Variants in FAM83G observed in about 807,000 individuals in gnomAD.
The protein encoded by FAM83G is protein FAM83G.
A neutral mutation model predicts 61.5 loss-of-function variants in FAM83G; 38 were observed. The ratio of observed to expected loss-of-function variants is 0.62; its 90% CI spans 0.48 to 0.81. The LOEUF is 0.81. Among genes scored for constraint, FAM83G ranks in the 30% least tolerant of loss-of-function variants. The probability of loss-of-function intolerance (pLI) is 0.00; values close to 1 mark genes in which losing one functional copy is unlikely to be tolerated. For missense variants in FAM83G, 989 were observed against 1,133.6 expected, an observed-to-expected ratio of 0.87 and a Z score of 1.83; for synonymous variants, 470 against 476.1, an observed-to-expected ratio of 0.99 and a Z score of 0.17.
chr17:18,978,991 G>T, intron 4 of FAM83G, 141 bp from the exon 5 acceptor site: 3 of 927,688 alleles, frequency 3.2e-6, no homozygotes, highest in South Asian at 1.7e-5. Context: ...GAGAGCAGGT[G>T]CATACTGTGG....
At chr17:18,990,524 G>A (rs1486307912) in intron 2 of FAM83G, among the ~76,000 whole-genome samples, 1 of 152,220 alleles carries the variant, frequency 6.6e-6, no homozygotes, top group East Asian at 1.9e-4. Context: ...CCTGCCTACC[G>A]TGGCAGATGG....
rs57881452 is a variant in FAM83G, at chr17:19,004,621, G to A, written c.-129+88C>T. On this transcript the variant is annotated intron_variant, in intron 1 of 5. Transcript: ENST00000388995. The surrounding 1 kb of genome is among the most constrained non-coding windows in gnomAD (Gnocchi z 5.4). ...CCCGGAGGAGGCTGGGGCTCTGGGA[G>A]GGGTCCAGGAGACCCAGAAACGCGG... 0.056 allele frequency: 8,455 copies of A among 152,036 alleles called. 504 individuals carry two copies. The highest frequency in any genetic ancestry group is 0.31 in the South Asian group (1,519 of 4,830). 9.4% of individuals were successfully genotyped at this position (152,036 alleles called of 1,614,324 possible).
Position 18,978,264 on chromosome 17 carries a change from T to A in FAM83G, c.1402A>T (p.Ser468Cys). The change falls in exon 5 of 6, where the codon AGC (serine) becomes TGC (cysteine). Residue 468 changes from serine (S) to cysteine (C), a missense_variant. Ser to Cys is a moderately radical substitution (Grantham distance 112). Coordinates refer to ENST00000388995, the MANE Select transcript of FAM83G (RefSeq NM_001039999.3). ...GGGCAAGGCTCTGGACGGGGCCTGC[T>A]GTCCTGGCTCTGCTTCCACAGCTGG... is the stretch of plus-strand genomic sequence containing the variant. ...QHQLWKQSQD[S>C]RPRPEPCPPP... The A allele has an allele frequency of 6.2e-7, 1 of 1,608,148 alleles. No individual in the cohort carries two copies. Among genetic ancestry groups the A allele is most frequent in the Non-Finnish European group, 8.5e-7 (1 of 1,176,752 alleles).
At chr17:18,994,253 A>C (rs2043506456) in intron 2 of FAM83G, among the ~76,000 whole-genome samples, 1 of 152,256 alleles carries the variant, frequency 6.6e-6, no homozygotes, top group Non-Finnish European at 1.5e-5. Flanking sequence ...GGCTTCAATC[A>C]GCACAGCGAT....
At chr17:18,988,179 A>C (rs1417839715) in intron 3 of FAM83G, 68 bp downstream of exon 3, 5 of 1,570,106 alleles carry the variant, frequency 3.2e-6, no homozygotes, top group Non-Finnish European at 4.3e-6. Flanking sequence ...CAGGTACTCG[A>C]AGTGTTTGTT....
intron 2 of FAM83G, among the ~76,000 whole-genome samples, chr17:18,989,952 C>A (rs1193491692): frequency 6.6e-6 from 1 of 152,196 alleles, no homozygotes; most frequent in Admixed American, 6.5e-5. Context: ...AGTGGTCCCC[C>A]CAGAGCGGAC....
In FAM83G at chr17:18,971,441, T is replaced by C. The variant is rs760722607; in HGVS notation, c.2390A>G (p.Lys797Arg). The C allele has an allele frequency of 1.2e-6, 2 of 1,613,814 alleles. No homozygotes were observed. The highest frequency in any genetic ancestry group is 1.7e-6 in the Non-Finnish European group (2 of 1,180,008). The change falls in exon 6 of 6, where the codon AAG (lysine) becomes AGG (arginine). Residue 797 changes from lysine (K) to arginine (R), a missense_variant. Lys to Arg is a conservative substitution (Grantham distance 26, BLOSUM62 2). This residue lies in a region of FAM83G where 574 missense variants were observed against 645.1 expected (regional missense o/e 0.89). Transcript: ENST00000388995. This position sits in a 1 kb window ranked among gnomAD's most constrained non-coding sequence, Gnocchi z 5.5. ...CCACTGGCTACCGCCCGTCCTGGCC[T>C]TTAGGTGCTTCGACTGAGACAGTTT... Reference protein sequence around the residue: ...YSKLSQSKHLKARTGGSQWAS... With the variant: ...YSKLSQSKHLRARTGGSQWAS...
chr17:18,978,908 C>T, intron 4 of FAM83G, 58 bp from the exon 5 acceptor site: 1 of 1,578,494 alleles, frequency 6.3e-7, no homozygotes, highest in East Asian at 2.2e-5. Context: ...TCCGCCCAGC[C>T]CCCGTGCACC....
chr17:18,987,351 A>G (rs907907969), intron 3 of FAM83G, among the ~76,000 whole-genome samples: 4 of 152,330 alleles, frequency 2.6e-5, no homozygotes, highest in African/African-American at 9.6e-5. Context: ...TGAGGATTAA[A>G]TTAACCAATG....
At chr17:18,992,879 C>T (rs531239697) in intron 2 of FAM83G, among the ~76,000 whole-genome samples, 1 of 152,170 alleles carries the variant, frequency 6.6e-6, no homozygotes, top group South Asian at 2.1e-4. Context: ...GGTGGCCGCC[C>T]TCTCCCTGCC....
intron 5 of FAM83G, among the ~76,000 whole-genome samples, chr17:18,973,910 A>G (rs1198377378): frequency 6.5e-5 from 4 of 61,180 alleles, no homozygotes; most frequent in Admixed American, 2.2e-4. Flanking sequence ...TTTTTTTCCC[A>G]GAGACATAGT....
intron 3 of FAM83G, chr17:18,986,307 T>C (rs1227079447): frequency 6.6e-6 from 1 of 152,228 alleles, no homozygotes; most frequent in Admixed American, 6.5e-5. Flanking sequence ...GAGAAATTAA[T>C]ATAAGGGATC....
chr17:18,987,439 C>T (rs117610230), intron 3 of FAM83G, among the ~76,000 whole-genome samples: 574 of 152,358 alleles, frequency 3.8e-3, no homozygotes, highest in Middle Eastern at 0.014. Flanking sequence ...CTCATCTGCT[C>T]TCAGGGAAAT....
chr17:18,999,323 A>G (rs573551588), intron 2 of FAM83G, among the ~76,000 whole-genome samples: 1 of 152,228 alleles, frequency 6.6e-6, no homozygotes. Flanking sequence ...TCCTGAGTCA[A>G]CAGGATCCAG....
Position 18,970,764 on chromosome 17 carries a change from G to A in FAM83G, c.*595C>T. On this transcript the variant is annotated 3_prime_UTR_variant, in exon 6 of 6. Transcript: ENST00000388995. The stretch of plus-strand genomic sequence containing the variant: ...CCTGCTGGGCCAGCGGGACACTGGG[G>A]TGCCCATGTGCAAAATGCTTACTTA... The A allele has an allele frequency of 1.9e-6, 1 of 513,242 alleles. No homozygotes were observed. The highest frequency in any genetic ancestry group is 3.5e-6 in the Non-Finnish European group (1 of 283,930). 31.8% of individuals were successfully genotyped at this position (513,242 alleles called of 1,614,324 possible). A position where few individuals can be genotyped will look rare whatever the true frequency, so the allele number is the denominator to read the frequency against.
At position 18,971,844 on chromosome 17, in the gene FAM83G, G is replaced by A. The variant is rs529981636; in HGVS notation, c.2083-96C>T. The A allele has an allele frequency of 3.7e-5, 51 of 1,380,352 alleles. No individual in the cohort carries two copies. In the African/African-American group the frequency reaches 5.4e-4, roughly 15 times the overall value. The allele number at this position is 1,380,352 out of a possible 1,614,324, so 85.5% of individuals were successfully genotyped here. On this transcript the variant is annotated intron_variant, in intron 5 of 5. Coordinates refer to ENST00000388995, the MANE Select transcript of FAM83G (RefSeq NM_001039999.3). The surrounding 1 kb of genome is among the most constrained non-coding windows in gnomAD (Gnocchi z 5.5). Reference sequence around the variant, plus strand: ...CAGGCACACAGGAGCCGGCAGGCCCGGGTTCGCCTCCTGGCTCTGCCATTC... The same window carrying A: ...CAGGCACACAGGAGCCGGCAGGCCCAGGTTCGCCTCCTGGCTCTGCCATTC...
intron 2 of FAM83G, among the ~76,000 whole-genome samples, chr17:19,002,706 C>T (rs1036748239): frequency 3.3e-5 from 5 of 152,214 alleles, no homozygotes; most frequent in Non-Finnish European, 4.4e-5. Context: ...CACAACTGTC[C>T]AGCAGTGGCC....
Position 18,978,269 on chromosome 17 carries a change from T to G in FAM83G, c.1397A>C (p.Gln466Pro). 1 of 1,609,242 alleles carries G rather than the reference T, an allele frequency of 6.2e-7. No homozygotes were observed. Among genetic ancestry groups the G allele is most frequent in the Non-Finnish European group, 8.5e-7 (1 of 1,177,520 alleles). ...AGGCTCTGGACGGGGCCTGCTGTCC[T>G]GGCTCTGCTTCCACAGCTGGTGCTG... ...SAQHQLWKQS[Q>P]DSRPRPEPCP... Residue 466 changes from glutamine (Q) to proline (P), a missense_variant, in exon 5 of 6, where the codon CAG (glutamine) becomes CCG (proline). Gln to Pro is a moderately conservative substitution (Grantham distance 76, BLOSUM62 -1). Transcript: ENST00000388995.
Position 19,001,526 on chromosome 17 carries a change from G to A in FAM83G, c.522+1994C>T, listed in dbSNP as rs75835798. The stretch of plus-strand genomic sequence containing the variant: ...CACTCACTATGGGGCCATGTAGACA[G>A]ACTGGCACCCAAACTGGAGACCAGC... On this transcript the variant is annotated intron_variant, in intron 2 of 5. Coordinates refer to ENST00000388995, the MANE Select transcript of FAM83G (RefSeq NM_001039999.3). Among the ~76,000 whole-genome samples, 497 of 152,356 alleles carry A rather than the reference G, an allele frequency of 3.3e-3. 14 individuals carry two copies. The East Asian group carries it at 0.059, about 18-fold the overall frequency.
Sources: allele counts gnomAD v4.1 joint callset (sites outside exome capture counted in the v4.1 genomes callset), GRCh38; gene constraint gnomAD v4.1.1; regional missense constraint gnomAD v4.1.1; non-coding constraint Gnocchi (gnomAD v3.1); transcripts MANE v1.5; gene names NCBI Gene and HGNC (gene_info 2026-07-23, HGNC 2026-07-21).